Variants in AGO4 observed in about 807,000 individuals in gnomAD.
AGO4 encodes the protein argonaute RISC component 4.
A neutral mutation model predicts 104.7 loss-of-function variants in AGO4; 33 were observed. The ratio of observed to expected loss-of-function variants is 0.32; its 90% confidence interval spans 0.24 to 0.42. AGO4 has a LOEUF of 0.42. AGO4 is among the 10% of genes least tolerant of loss of function. The pLI, the probability that AGO4 is intolerant of heterozygous loss-of-function variation, is 1.00. For synonymous variants in AGO4, 331 were observed against 364.7 expected, an observed-to-expected ratio of 0.91 and a Z score of 1.05; for missense variants, 711 against 1,083.4, an observed-to-expected ratio of 0.66 and a Z score of 4.83.
chr1:35,835,732 A>G (rs1644298829), intron 12 of AGO4, 102 bp from the exon 13 acceptor site: 4 of 994,060 alleles, frequency 4.0e-6, no homozygotes, highest in Non-Finnish European at 5.8e-6. Context: ...AGTGTACAGT[A>G]TATAGTAGGT....
At chr1:35,842,967 G>C (rs1644481024) in intron 15 of AGO4, among the ~76,000 whole-genome samples, 1 of 152,092 alleles carries the variant, frequency 6.6e-6, no homozygotes, top group Non-Finnish European at 1.5e-5. Flanking sequence ...AGGAAGACCA[G>C]ATCTTTCTGT....
intron 2 of AGO4, among the ~76,000 whole-genome samples, chr1:35,818,577 T>C (rs924507640): frequency 1.3e-5 from 2 of 150,516 alleles, no homozygotes; most frequent in African/African-American, 2.5e-5. Flanking sequence ...TGAGTGGAGA[T>C]CATGCCGCTG....
intron 12 of AGO4, among the ~76,000 whole-genome samples, chr1:35,835,433 G>A (rs1412078211): frequency 6.6e-6 from 1 of 152,122 alleles, no homozygotes; most frequent in Non-Finnish European, 1.5e-5. Context: ...GAAAAAGGAA[G>A]CAAAACAAAA....
Position 35,826,182 on chromosome 1 carries a change from T to C in AGO4, c.760+122T>C, listed in dbSNP as rs1012952603. 1.7e-5 allele frequency: 21 copies of C among 1,257,408 alleles called. No individual in the cohort carries two copies. In the African/African-American group the frequency reaches 3.0e-4, roughly 18 times the overall value. 77.9% of individuals were successfully genotyped at this position (1,257,408 alleles called of 1,614,324 possible). On this transcript the variant is annotated intron_variant, in intron 6 of 17. Transcript: ENST00000373210. ...GCTAACCACTTCTATCAATGGGACC[T>C]TGGTCAAGTTCCTTAACCACTGTGA...
chr1:35,818,079 T>C (rs890661059), intron 2 of AGO4, among the ~76,000 whole-genome samples: 2 of 151,658 alleles, frequency 1.3e-5, no homozygotes, highest in African/African-American at 4.9e-5. Context: ...ATAAATGCAA[T>C]AAAGAAAAAG....
chr1:35,822,038 G>A (rs1187557904), intron 2 of AGO4, among the ~76,000 whole-genome samples: 1 of 151,820 alleles, frequency 6.6e-6, no homozygotes, highest in Non-Finnish European at 1.5e-5. Context: ...CACCATGCCT[G>A]ACTAAGTTTT....
At position 35,849,114 on chromosome 1, in the gene AGO4, T is replaced by G. The variant is rs567196916; in HGVS notation, c.2176-1043T>G. ...TGACCAAATAGCAAGATGTAATTCCTTCCCTTGTAATCCATTTCTGAAGTT... is the reference window on the plus strand; with the variant it reads ...TGACCAAATAGCAAGATGTAATTCCGTCCCTTGTAATCCATTTCTGAAGTT... On this transcript the variant is annotated intron_variant, in intron 15 of 17. Coordinates refer to ENST00000373210, the MANE Select transcript of AGO4 (RefSeq NM_017629.4). Among the ~76,000 whole-genome samples, 6 of 152,352 alleles carry G rather than the reference T, an allele frequency of 3.9e-5. No homozygotes were observed. In the East Asian group the frequency reaches 1.2e-3, roughly 29 times the overall value.
At position 35,856,211 on chromosome 1, in the gene AGO4, G is replaced by T. The variant is rs1045802432; in HGVS notation, c.*2606G>T. On this transcript the variant is annotated 3_prime_UTR_variant, in exon 18 of 18. Coordinates refer to ENST00000373210, the MANE Select transcript of AGO4 (RefSeq NM_017629.4). The stretch of plus-strand genomic sequence containing the variant: ...AAAGGAAAGAAATTTGGAAGAGCTG[G>T]GATTATTGGCAAAAACTTGCTGAGG... 1.1e-4 allele frequency: 16 copies of T among 152,150 alleles called. No homozygotes were observed. The highest frequency in any genetic ancestry group is 3.6e-4 in the African/African-American group (15 of 41,418). The allele number at this position is 152,150 out of a possible 1,614,324, so 9.4% of individuals were successfully genotyped here. A position where few individuals can be genotyped will look rare whatever the true frequency, so the allele number is the denominator to read the frequency against.
Position 35,853,696 on chromosome 1 carries a change from A to T in AGO4, c.*91A>T. Reference sequence around the variant, plus strand: ...ACCGCCTCTAGATCGAGCCACGTTGACTTCAGGTGGTCTTCTACCAGCAGC... The same window carrying T: ...ACCGCCTCTAGATCGAGCCACGTTGTCTTCAGGTGGTCTTCTACCAGCAGC... On this transcript the variant is annotated 3_prime_UTR_variant, in exon 18 of 18. Transcript: ENST00000373210. The T allele has an allele frequency of 9.5e-7, 1 of 1,050,782 alleles. No individual in the cohort carries two copies. Among genetic ancestry groups the T allele is most frequent in the Non-Finnish European group, 1.4e-6 (1 of 699,268 alleles). 65.1% of individuals were successfully genotyped at this position (1,050,782 alleles called of 1,614,324 possible).
chr1:35,818,670 G>A (rs1297928128), intron 2 of AGO4, among the ~76,000 whole-genome samples: 15 of 136,158 alleles, frequency 1.1e-4, no homozygotes, highest in Middle Eastern at 3.6e-3. Flanking sequence ...AGGAAGAAAG[G>A]AAGGAAGGAA....
Position 35,851,056 on chromosome 1 carries a change from A to G in AGO4, c.2477+3A>G. The G allele has an allele frequency of 1.2e-6, 2 of 1,604,350 alleles. No individual in the cohort carries two copies. Among genetic ancestry groups the G allele is most frequent in the East Asian group, 2.2e-5 (1 of 44,694 alleles). On this transcript the variant is annotated splice_donor_region_variant and intron_variant, in intron 17 of 17. Coordinates refer to ENST00000373210, the MANE Select transcript of AGO4 (RefSeq NM_017629.4). ...CTGGTGGATAAAGATCATGACAGGC[A>G]AGTTTCTTAGGCACAATAAAGTCTC...
At chr1:35,834,546 TGA>T (rs1408356421) in intron 12 of AGO4, among the ~76,000 whole-genome samples, 1 of 152,210 alleles carries the variant, frequency 6.6e-6, no homozygotes, top group African/African-American at 2.4e-5. Flanking sequence ...GCCTGGAAGC[TGA>T]GAGAACTGGA....
At position 35,808,170 on chromosome 1, in the gene AGO4, T is replaced by TGGC. The variant is rs544199267; in HGVS notation, c.-223_-221dup. The TGGC allele has an allele frequency of 0.096, 15,087 of 157,970 alleles. 2,191 individuals carry two copies. Among genetic ancestry groups the TGGC allele is most frequent in the East Asian group, 0.68 (3,525 of 5,158 alleles). 9.8% of individuals were successfully genotyped at this position (157,970 alleles called of 1,614,324 possible). ...CGCTGGCTCCCGCTCCCGCTCCCGT[T>TGGC]GGCGGCGGCGGCGGCGGCGGCGGCG... On this transcript the variant is annotated 5_prime_UTR_variant, in exon 1 of 18. Transcript: ENST00000373210. This position sits in a 1 kb window ranked among gnomAD's most constrained non-coding sequence, Gnocchi z 5.2.
At chr1:35,811,112 C>T (rs1216336680) in intron 1 of AGO4, among the ~76,000 whole-genome samples, 1 of 151,706 alleles carries the variant, frequency 6.6e-6, no homozygotes, top group East Asian at 1.9e-4. Context: ...GAGATCGCAC[C>T]TCAAAAAGAA....
At chr1:35,819,118 T>C (rs1475525701) in intron 2 of AGO4, among the ~76,000 whole-genome samples, 3 of 152,158 alleles carry the variant, frequency 2.0e-5, no homozygotes, top group Admixed American at 2.0e-4. Context: ...TACTGATGGA[T>C]TGAACATGTG....
chr1:35,808,495 G>T lies in AGO4; in HGVS notation c.19+60G>T. The T allele has an allele frequency of 8.5e-7, 1 of 1,176,970 alleles. No homozygotes were observed. 72.9% of individuals were successfully genotyped at this position (1,176,970 alleles called of 1,614,324 possible). ...GACCCGGGACCCGGGGCGGGCGGCC[G>T]GGACTTTCGCTGCCCCGTCGCCTCG... On this transcript the variant is annotated intron_variant, in intron 1 of 17. Coordinates refer to ENST00000373210, the MANE Select transcript of AGO4 (RefSeq NM_017629.4). This position sits in a 1 kb window ranked among gnomAD's most constrained non-coding sequence, Gnocchi z 5.2.
intron 15 of AGO4, 145 bp from the exon 16 acceptor site, chr1:35,850,012 G>A (rs752978071): frequency 1.2e-5 from 7 of 585,184 alleles, no homozygotes; most frequent in Non-Finnish European, 2.1e-5. Flanking sequence ...GAAAGTTACA[G>A]AGGATTCAAC....
intron 12 of AGO4, among the ~76,000 whole-genome samples, chr1:35,835,300 A>C (rs879575275): frequency 2.0e-5 from 3 of 151,858 alleles, no homozygotes; most frequent in Admixed American, 6.6e-5. Flanking sequence ...CAAGTGATCC[A>C]CCCGCCTTGG....
Position 35,854,627 on chromosome 1 carries a change from T to C in AGO4, c.*1022T>C, listed in dbSNP as rs1487167307. The C allele has an allele frequency of 6.5e-6, 1 of 152,680 alleles. No individual in the cohort carries two copies. The highest frequency in any genetic ancestry group is 1.5e-5 in the Non-Finnish European group (1 of 68,052). 9.5% of individuals were successfully genotyped at this position (152,680 alleles called of 1,614,324 possible). A position where few individuals can be genotyped will look rare whatever the true frequency, so the allele number is the denominator to read the frequency against. On this transcript the variant is annotated 3_prime_UTR_variant, in exon 18 of 18. Transcript: ENST00000373210. ...TCTGAAACCAGTCAGAAAAGACATA[T>C]ATTTCCATGCCTTTTTAAAGAATTA...
Sources: allele counts gnomAD v4.1 joint callset (sites outside exome capture counted in the v4.1 genomes callset), GRCh38; gene constraint gnomAD v4.1.1; non-coding constraint Gnocchi (gnomAD v3.1); transcripts MANE v1.5; gene names NCBI Gene and HGNC (gene_info 2026-07-23, HGNC 2026-07-21).